The following RYR3 variants were observed in gnomAD, a reference collection of about 807,000 sequenced individuals.
The protein encoded by RYR3 is ryanodine receptor 3.
In RYR3, 207 loss-of-function variants were observed where a neutral mutation model predicts 584.3. The ratio of observed to expected loss-of-function variants is 0.35; its 90% CI spans 0.32 to 0.40. The LOEUF is 0.40. Among genes scored for constraint, RYR3 ranks in the 10% least tolerant of loss-of-function variants. The pLI is 1.00. For missense variants in RYR3, 5,616 were observed against 6,089.2 expected, an observed-to-expected ratio of 0.92 and a Z score of 2.59; for synonymous variants, 2,416 against 2,248.5, an observed-to-expected ratio of 1.07 and a Z score of -2.11.
intron 32 of RYR3, among the ~76,000 whole-genome samples, chr15:33,658,592 G>T (rs2062957792): frequency 1.3e-5 from 2 of 152,206 alleles, no homozygotes; most frequent in African/African-American, 4.8e-5. Context: ...GGGGAGAGTT[G>T]CAAGAATTTC....
intron 1 of RYR3, among the ~76,000 whole-genome samples, chr15:33,375,586 G>A (rs1353663043): frequency 6.6e-6 from 1 of 152,202 alleles, no homozygotes; most frequent in East Asian, 1.9e-4. Flanking sequence ...ACTGCAGTGG[G>A]ATTGACGGTG....
At chr15:33,530,722 G>A in intron 4 of RYR3, 56 bp downstream of exon 4, 14 of 1,316,120 alleles carry the variant, frequency 1.1e-5, no homozygotes, top group Non-Finnish European at 1.5e-5. Context: ...AACTGAAGAG[G>A]GGGAAATACA....
Position 33,738,645 on chromosome 15 carries a change from C to T in RYR3, c.7656+55C>T. The T allele has an allele frequency of 1.9e-6, 3 of 1,588,184 alleles. No homozygotes were observed. The Admixed American group carries it at 5.1e-5, about 27-fold the overall frequency. On this transcript the variant is annotated intron_variant, in intron 50 of 103. Coordinates refer to ENST00000634891, the MANE Select transcript of RYR3 (RefSeq NM_001036.6). ...GAGCATCTCAGTGCTCCAGCATCTACAGATAATAACAGCCGTCATCTGTTT... is the reference window on the plus strand; with the variant it reads ...GAGCATCTCAGTGCTCCAGCATCTATAGATAATAACAGCCGTCATCTGTTT...
chr15:33,638,188 G>A (rs867737456), intron 27 of RYR3, among the ~76,000 whole-genome samples: 1 of 152,168 alleles, frequency 6.6e-6, no homozygotes, highest in South Asian at 2.1e-4. Context: ...TTGCAGACAG[G>A]TGAGAATGAT....
intron 64 of RYR3, among the ~76,000 whole-genome samples, chr15:33,777,726 G>A (rs566090094): frequency 5.8e-4 from 87 of 151,068 alleles, no homozygotes; most frequent in Middle Eastern, 3.4e-3. Flanking sequence ...CTTCGTGTCT[G>A]ACTAACCTTC....
At chr15:33,561,084 A>G (rs2152481206) in intron 10 of RYR3, among the ~76,000 whole-genome samples, 1 of 152,386 alleles carries the variant, frequency 6.6e-6, no homozygotes, top group South Asian at 2.1e-4. Flanking sequence ...TGAAAAATAA[A>G]TGTGAAAGAA....
At chr15:33,645,352 A>C (rs12438930) in intron 28 of RYR3, among the ~76,000 whole-genome samples, 91,444 of 151,948 alleles carry the variant, frequency 0.6, 28,263 homozygotes, top group Non-Finnish European at 0.66. Flanking sequence ...ATGCCAGACA[A>C]ATCAGCCCCA....
intron 57 of RYR3, among the ~76,000 whole-genome samples, chr15:33,751,923 G>A (rs184962450): frequency 2.9e-4 from 44 of 152,252 alleles, no homozygotes; most frequent in Admixed American, 7.9e-4. Flanking sequence ...GTAGAGAAGG[G>A]ATCCAGTTTC....
intron 9 of RYR3, 76 bp from the exon 10 acceptor site, chr15:33,550,084 A>G (rs893743369): frequency 2.1e-6 from 3 of 1,447,966 alleles, no homozygotes; most frequent in Admixed American, 4.4e-5. Flanking sequence ...TAGCATGTGT[A>G]AGAAAGCATA....
chr15:33,761,158 A>G (rs1269375381), intron 60 of RYR3, among the ~76,000 whole-genome samples: 2 of 152,330 alleles, frequency 1.3e-5, no homozygotes, highest in Admixed American at 1.3e-4. Flanking sequence ...GGAAAGATCT[A>G]AAATTGACAC....
At chr15:33,812,747 A>G in intron 72 of RYR3, 116 bp from the exon 73 acceptor site, 1 of 924,964 alleles carries the variant, frequency 1.1e-6, no homozygotes, top group Admixed American at 2.8e-5. Flanking sequence ...AATGAAAGTG[A>G]AGTGATAATA....
At chr15:33,453,560 C>A (rs574043956) in intron 1 of RYR3, among the ~76,000 whole-genome samples, 1 of 152,258 alleles carries the variant, frequency 6.6e-6, no homozygotes, top group African/African-American at 2.4e-5. Context: ...AAAGGAACAA[C>A]TGCTGTAATA....
At chr15:33,554,923 G>T (rs1035286946) in intron 10 of RYR3, among the ~76,000 whole-genome samples, 1 of 152,014 alleles carries the variant, frequency 6.6e-6, no homozygotes, top group South Asian at 2.1e-4. Flanking sequence ...CATATATATA[G>T]CCGCTTTTTG....
At chr15:33,386,404 T>C (rs2041605958) in intron 1 of RYR3, among the ~76,000 whole-genome samples, 1 of 152,232 alleles carries the variant, frequency 6.6e-6, no homozygotes, top group Non-Finnish European at 1.5e-5. Flanking sequence ...ATTGATTACT[T>C]TCGCGTCAAA....
chr15:33,571,549 ATTTTTCT>A (rs1291191961), intron 12 of RYR3, among the ~76,000 whole-genome samples: 1 of 151,894 alleles, frequency 6.6e-6, no homozygotes, highest in Non-Finnish European at 1.5e-5. Context: ...ATTTTAAACT[ATTTTTCT>A]TTTTTCTTTA....
chr15:33,795,811 A>G (rs944192500), intron 67 of RYR3, among the ~76,000 whole-genome samples: 3 of 152,000 alleles, frequency 2.0e-5, no homozygotes, highest in African/African-American at 7.2e-5. Context: ...GATTACAGGC[A>G]TGAGCCACCG....
intron 95 of RYR3, among the ~76,000 whole-genome samples, 191 bp downstream of exon 95, chr15:33,853,278 C>T (rs950424902): frequency 6.6e-6 from 1 of 152,194 alleles, no homozygotes. Context: ...ACTCATCTGC[C>T]TTAAACAAGT....
intron 60 of RYR3, among the ~76,000 whole-genome samples, chr15:33,762,883 G>A (rs1358654418): frequency 6.6e-6 from 1 of 152,180 alleles, no homozygotes; most frequent in Non-Finnish European, 1.5e-5. Context: ...CAAGGCTACA[G>A]TAACCAAAAC....
intron 48 of RYR3, among the ~76,000 whole-genome samples, chr15:33,732,598 G>A (rs891845119): frequency 2.0e-5 from 3 of 152,206 alleles, no homozygotes; most frequent in Admixed American, 1.3e-4. Context: ...CAAGGAAGAC[G>A]ACCCTTTCAA....
Sources: allele counts gnomAD v4.1 joint callset (sites outside exome capture counted in the v4.1 genomes callset), GRCh38; gene constraint gnomAD v4.1.1; transcripts MANE v1.5; gene names NCBI Gene and HGNC (gene_info 2026-07-23, HGNC 2026-07-21).